RASGEF1A: variants seen among roughly 807,000 people sequenced by gnomAD.
RASGEF1A encodes the protein ras-GEF domain-containing family member 1A.
Under a neutral mutation model 56.4 loss-of-function variants are expected in RASGEF1A, and 18 were observed. The ratio of observed to expected loss-of-function variants is 0.32; its 90% CI spans 0.22 to 0.47. The LOEUF is 0.47. Among genes scored for constraint, RASGEF1A ranks in the 20% least tolerant of loss-of-function variants. The pLI is 1.00. For synonymous variants in RASGEF1A, 245 were observed against 242.6 expected, an observed-to-expected ratio of 1.01 and a Z score of -0.09; for missense variants, 422 against 627.1, an observed-to-expected ratio of 0.67 and a Z score of 3.49.
intron 1 of RASGEF1A, among the ~76,000 whole-genome samples, chr10:43,211,150 G>A (rs1840063909): frequency 6.6e-6 from 1 of 152,228 alleles, no homozygotes; most frequent in Non-Finnish European, 1.5e-5. Flanking sequence ...GTCTCCTGGA[G>A]GACGCGCCTC....
chr10:43,199,167 T>A lies in RASGEF1A; in HGVS notation c.877A>T (p.Met293Leu). The A allele has an allele frequency of 6.2e-7, 1 of 1,612,936 alleles. No homozygotes were observed. The highest frequency in any genetic ancestry group is 8.5e-7 in the Non-Finnish European group (1 of 1,179,566). Residue 293 changes from methionine (M) to leucine (L), a missense_variant, in exon 8 of 13, where the codon ATG (methionine) becomes TTG (leucine). Physicochemically the swap from Met to Leu is conservative, Grantham distance 15. Coordinates refer to ENST00000395810, the MANE Select transcript of RASGEF1A (RefSeq NM_145313.4). Reference sequence around the variant, plus strand: ...GCCACATCAATGAAGAACTCCAACATGCGGGTCCGGTGTTTCTTCTTCACC... The same window carrying A: ...GCCACATCAATGAAGAACTCCAACAAGCGGGTCCGGTGTTTCTTCTTCACC... ...RVVKKKHRTR[M>L]LEFFIDVARE...
intron 1 of RASGEF1A, among the ~76,000 whole-genome samples, chr10:43,266,018 G>T (rs934322373): frequency 1.3e-5 from 2 of 152,326 alleles, no homozygotes; most frequent in African/African-American, 4.8e-5. Context: ...GAGGGAGGGA[G>T]CCCCGGCCAC....
intron 1 of RASGEF1A, among the ~76,000 whole-genome samples, chr10:43,230,704 A>G (rs1298321119): frequency 2.0e-5 from 3 of 152,128 alleles, no homozygotes; most frequent in East Asian, 3.9e-4. Context: ...CGTGACCCTG[A>G]CAACATCTGG....
At chr10:43,240,291 C>A (rs1840485379) in intron 1 of RASGEF1A, among the ~76,000 whole-genome samples, 1 of 152,170 alleles carries the variant, frequency 6.6e-6, no homozygotes, top group Admixed American at 6.5e-5. Context: ...ACAGACTTTG[C>A]AGAAGTAATC....
At chr10:43,233,531 G>T (rs1470585386) in intron 1 of RASGEF1A, among the ~76,000 whole-genome samples, 1 of 152,192 alleles carries the variant, frequency 6.6e-6, no homozygotes, top group East Asian at 1.9e-4. Flanking sequence ...AGAGCACCCA[G>T]CTCCATGACT....
At chr10:43,209,978 G>C (rs922688773) in intron 1 of RASGEF1A, among the ~76,000 whole-genome samples, 1 of 152,374 alleles carries the variant, frequency 6.6e-6, no homozygotes, top group East Asian at 1.9e-4. Flanking sequence ...CAGCCTCTCA[G>C]TTCCAAGTGT....
intron 1 of RASGEF1A, chr10:43,206,942 C>CT (rs1204531295): frequency 2.0e-6 from 2 of 985,414 alleles, no homozygotes; most frequent in African/African-American, 1.7e-5. Flanking sequence ...CACACTGGGA[C>CT]TGTCCTCCAC....
At chr10:43,207,399 C>CAA in intron 1 of RASGEF1A, 2 of 571,150 alleles carry the variant, frequency 3.5e-6, no homozygotes, top group Non-Finnish European at 4.0e-6. Flanking sequence ...TCAACACACA[C>CAA]ACACACACAC....
chr10:43,219,841 A>G (rs923946613), intron 1 of RASGEF1A, among the ~76,000 whole-genome samples: 1 of 152,208 alleles, frequency 6.6e-6, no homozygotes. Flanking sequence ...CTGAGCAAAG[A>G]TTTTTCCTTT....
intron 1 of RASGEF1A, among the ~76,000 whole-genome samples, chr10:43,220,126 T>C (rs1256496203): frequency 6.6e-6 from 1 of 152,188 alleles, no homozygotes; most frequent in Non-Finnish European, 1.5e-5. Flanking sequence ...TGGGGGCTGG[T>C]AACCGGTGGT....
chr10:43,218,532 C>T (rs1262488822), intron 1 of RASGEF1A, among the ~76,000 whole-genome samples: 1 of 152,184 alleles, frequency 6.6e-6, no homozygotes, highest in Non-Finnish European at 1.5e-5. Context: ...GGAGCACATG[C>T]TGGCCCCATT....
chr10:43,254,693 T>C (rs1746264919), intron 1 of RASGEF1A, among the ~76,000 whole-genome samples: 1 of 152,120 alleles, frequency 6.6e-6, no homozygotes, highest in African/African-American at 2.4e-5. Context: ...AGCAAGTCTC[T>C]GTGGTCACAG....
At chr10:43,199,571 T>C in intron 7 of RASGEF1A, 105 bp downstream of exon 7, 1 of 890,324 alleles carries the variant, frequency 1.1e-6, no homozygotes, top group Admixed American at 2.0e-5. Flanking sequence ...AGGGACTTTG[T>C]GCATTCACTC....
intron 1 of RASGEF1A, among the ~76,000 whole-genome samples, chr10:43,220,647 C>T (rs4648314): frequency 0.5 from 75,289 of 151,886 alleles, 19,243 homozygotes; most frequent in East Asian, 0.71. Context: ...TAGCCAGGCA[C>T]GGTGGTGCAC....
chr10:43,215,440 G>A (rs1475351583), intron 1 of RASGEF1A, among the ~76,000 whole-genome samples: 5 of 152,366 alleles, frequency 3.3e-5, no homozygotes, highest in East Asian at 1.9e-4. Flanking sequence ...CAGGGAGAGC[G>A]TGCTCCTGGA....
intron 1 of RASGEF1A, chr10:43,207,012 G>A (rs760939741): frequency 3.0e-6 from 3 of 985,538 alleles, no homozygotes; most frequent in Non-Finnish European, 3.6e-6. Context: ...GGGAGTTCTT[G>A]TGAAGCCTAG....
At chr10:43,259,111 T>A (rs1836480574) in intron 1 of RASGEF1A, among the ~76,000 whole-genome samples, 1 of 152,138 alleles carries the variant, frequency 6.6e-6, no homozygotes, top group East Asian at 1.9e-4. Flanking sequence ...AGCACAACAC[T>A]TGGTCCCAGG....
At chr10:43,219,486 G>A (rs1424643723) in intron 1 of RASGEF1A, among the ~76,000 whole-genome samples, 1 of 152,232 alleles carries the variant, frequency 6.6e-6, no homozygotes. Flanking sequence ...AGAGCAGGGT[G>A]TCCTGCTGCT....
chr10:43,234,840 A>C (rs556275129), intron 1 of RASGEF1A, among the ~76,000 whole-genome samples: 2 of 152,316 alleles, frequency 1.3e-5, no homozygotes, highest in East Asian at 3.9e-4. Context: ...CTCCTCAGAC[A>C]GCCCCTGCCT....
Sources: allele counts gnomAD v4.1 joint callset (sites outside exome capture counted in the v4.1 genomes callset), GRCh38; gene constraint gnomAD v4.1.1; transcripts MANE v1.5; gene names NCBI Gene and HGNC (gene_info 2026-07-23, HGNC 2026-07-21).